NFASC: variants seen among roughly 807,000 people sequenced by gnomAD.
NFASC encodes the protein neurofascin.
A neutral mutation model predicts 147.5 loss-of-function variants in NFASC; 43 were observed. The ratio of observed to expected loss-of-function variants is 0.29; its 90% CI spans 0.23 to 0.38. NFASC has a LOEUF of 0.38. Among genes scored for constraint, NFASC ranks in the 10% least tolerant of loss-of-function variants. NFASC has a pLI of 1.00. For synonymous variants in NFASC, 622 were observed against 665.5 expected, an observed-to-expected ratio of 0.93 and a Z score of 1.01; for missense variants, 1,320 against 1,689.0, an observed-to-expected ratio of 0.78 and a Z score of 3.83.
At chr1:204,857,922 T>C (rs994116963) in intron 1 of NFASC, among the ~76,000 whole-genome samples, 32 of 146,816 alleles carry the variant, frequency 2.2e-4, no homozygotes, top group East Asian at 8.2e-4. Flanking sequence ...TCTTCTTCTT[T>C]TTTTTTTTTT....
intron 1 of NFASC, among the ~76,000 whole-genome samples, chr1:204,842,338 T>C (rs1675578237): frequency 6.6e-6 from 1 of 152,244 alleles, no homozygotes; most frequent in Non-Finnish European, 1.5e-5. Flanking sequence ...AAGCTTTGCT[T>C]ATGAATTGTT....
At chr1:204,915,375 G>A (rs1176901519) in intron 1 of NFASC, among the ~76,000 whole-genome samples, 2 of 152,136 alleles carry the variant, frequency 1.3e-5, no homozygotes, top group Non-Finnish European at 2.9e-5. Context: ...AAAAAGCAAG[G>A]TAGGGGAAAA....
In NFASC at chr1:204,962,193, CCTGTG is replaced by C. The variant is rs141261182; in HGVS notation, c.706+4370_706+4374del. 140 of 1,570,656 alleles carry C rather than the reference CCTGTG, an allele frequency of 8.9e-5. 1 individual carries two copies. The East Asian group carries it at 3.1e-3, about 35-fold the overall frequency. On this transcript the variant is annotated intron_variant, in intron 8 of 29. Transcript: ENST00000339876. ...AGCGGTAACCTTGGGAGTAACCTTG[CCTGTG>C]CTAACCCCAGTTTGCCTAACTTGAC...
chr1:204,996,288 A>G lies in NFASC; in HGVS notation c.2783-882A>G, dbSNP rs144215701. On this transcript the variant is annotated intron_variant, in intron 24 of 29. Coordinates refer to ENST00000339876, the MANE Select transcript of NFASC (RefSeq NM_001005388.3). ...GATTTATGCAGAAAAGAAGCCCAGC[A>G]TGCGCCTCACTCTGCCTGGGACTCC... is the stretch of plus-strand genomic sequence containing the variant. Among the ~76,000 whole-genome samples the G allele has an allele frequency of 7.0e-3, 1,060 of 152,246 alleles. 13 individuals are homozygous for G. Among genetic ancestry groups the G allele is most frequent in the African/African-American group, 0.024 (1,011 of 41,544 alleles).
chr1:204,869,196 A>G (rs2077368613), intron 1 of NFASC, among the ~76,000 whole-genome samples: 1 of 152,184 alleles, frequency 6.6e-6, no homozygotes, highest in Non-Finnish European at 1.5e-5. Flanking sequence ...GTATGAGCCA[A>G]TAGTGGGATG....
chr1:204,857,408 G>C (rs1479542330), intron 1 of NFASC, among the ~76,000 whole-genome samples: 1 of 152,218 alleles, frequency 6.6e-6, no homozygotes, highest in Non-Finnish European at 1.5e-5. Context: ...ATATCCTGCT[G>C]TGATGGTCAT....
chr1:204,982,429 ATAAT>A (rs142681216), intron 21 of NFASC, among the ~76,000 whole-genome samples: 20 of 152,322 alleles, frequency 1.3e-4, no homozygotes, highest in African/African-American at 4.3e-4. Flanking sequence ...CTAAAGAGCT[ATAAT>A]TAGACACTTC....
chr1:204,872,500 G>A (rs2077904712), intron 1 of NFASC, among the ~76,000 whole-genome samples: 2 of 152,210 alleles, frequency 1.3e-5, no homozygotes, highest in Admixed American at 1.3e-4. Flanking sequence ...AGCTGGGGCT[G>A]GGGAGCGCAG....
At chr1:204,961,223 T>C (rs547661727) in intron 8 of NFASC, among the ~76,000 whole-genome samples, 140 of 152,332 alleles carry the variant, frequency 9.2e-4, no homozygotes, top group African/African-American at 3.2e-3. Flanking sequence ...AAGGAGTAAA[T>C]GCCCACGAGT....
At chr1:205,009,763 A>G (rs1042360957) in intron 28 of NFASC, 75 bp downstream of exon 28, 6 of 1,476,892 alleles carry the variant, frequency 4.1e-6, no homozygotes, top group East Asian at 4.8e-5. Context: ...GTCTCCAGCC[A>G]GATCCGGGGA....
At chr1:204,850,865 C>T (rs1481410619) in intron 1 of NFASC, among the ~76,000 whole-genome samples, 2 of 152,146 alleles carry the variant, frequency 1.3e-5, no homozygotes, top group Non-Finnish European at 2.9e-5. Context: ...TTTTGCTTTG[C>T]TTTTCTTCTT....
At chr1:204,867,656 C>T (rs568058270) in intron 1 of NFASC, among the ~76,000 whole-genome samples, 9 of 152,196 alleles carry the variant, frequency 5.9e-5, no homozygotes, top group Admixed American at 1.3e-4. Context: ...TACACCAACA[C>T]GCTTACACAC....
At chr1:204,866,239 A>G (rs979438049) in intron 1 of NFASC, among the ~76,000 whole-genome samples, 5 of 152,096 alleles carry the variant, frequency 3.3e-5, no homozygotes, top group Non-Finnish European at 7.4e-5. Context: ...ACACTGCCAA[A>G]CCTCAGCCCA....
Position 204,979,448 on chromosome 1 carries a change from G to A in NFASC, c.2065G>A (p.Val689Ile), listed in dbSNP as rs562163063. ...SKYPGSVNSA[V>I]LRLSPYVNYQ... ...GTACCCCGGCAGCGTTAACTCAGCC[G>A]TCCTCCGGCTGTCCCCGTATGTCAA... The change falls in exon 19 of 30, where the codon GTC (valine) becomes ATC (isoleucine). Residue 689 changes from valine to isoleucine, a missense_variant. Physicochemically the swap from Val to Ile is conservative, Grantham distance 29. This residue lies in a region of NFASC where 981 missense variants were observed against 1,289.5 expected (regional missense o/e 0.76). Coordinates refer to ENST00000339876, the MANE Select transcript of NFASC (RefSeq NM_001005388.3). This position sits in a 1 kb window ranked among gnomAD's most constrained non-coding sequence, Gnocchi z 6.0. The A allele has an allele frequency of 8.3e-5, 134 of 1,613,974 alleles. No homozygotes were observed. The highest frequency in any genetic ancestry group is 1.6e-4 in the Middle Eastern group (1 of 6,062).
intron 1 of NFASC, chr1:204,870,598 C>A: frequency 1.1e-6 from 1 of 924,606 alleles, no homozygotes; most frequent in Non-Finnish European, 1.3e-6. Flanking sequence ...CTGTCTATCC[C>A]CTCAGGAGCA....
At chr1:204,969,674 G>T (rs937330319) in intron 10 of NFASC, among the ~76,000 whole-genome samples, 26 of 152,304 alleles carry the variant, frequency 1.7e-4, no homozygotes, top group African/African-American at 5.3e-4. Flanking sequence ...GGGGTAGGGG[G>T]TGAGTATCAA....
At chr1:204,973,450 C>T in intron 12 of NFASC, 31 bp downstream of exon 12, 1 of 1,612,556 alleles carries the variant, frequency 6.2e-7, no homozygotes. Flanking sequence ...CTGTTTCCCC[C>T]TCCTCTCCAC....
chr1:204,903,329 G>A (rs568980723), intron 1 of NFASC, among the ~76,000 whole-genome samples: 2 of 152,282 alleles, frequency 1.3e-5, no homozygotes, highest in South Asian at 2.1e-4. Context: ...TTGTGGCTGG[G>A]CCAGGAGTGA....
intron 1 of NFASC, among the ~76,000 whole-genome samples, chr1:204,894,245 T>C (rs2082970416): frequency 6.6e-6 from 1 of 152,238 alleles, no homozygotes; most frequent in South Asian, 2.1e-4. Context: ...CTTGGCCATA[T>C]GCCCATCCTT....
Sources: gnomAD v4.1 joint callset for allele counts (sites outside exome capture counted in the v4.1 genomes callset) on GRCh38, gnomAD v4.1.1 for gene constraint, gnomAD v4.1.1 regional missense constraint, Gnocchi (gnomAD v3.1) non-coding constraint, MANE v1.5 for transcripts, NCBI Gene and HGNC (gene_info 2026-07-23, HGNC 2026-07-21) for gene names.